The following C12orf42 variants were observed in gnomAD, a reference collection of about 807,000 sequenced individuals.
C12orf42 encodes chromosome 12 open reading frame 42.
Under a neutral mutation model 21.6 loss-of-function variants are expected in C12orf42, and 25 were observed. That is an observed-to-expected ratio of 1.16 (90% confidence interval 0.84 to 1.62). The LOEUF (loss-of-function observed/expected upper bound fraction) is 1.62, where lower values mean the gene tolerates loss of function less well. Among genes scored for constraint, C12orf42 ranks in the 40% most tolerant of loss-of-function variants. C12orf42 has a pLI of 0.00. For synonymous variants in C12orf42, 174 were observed against 175.0 expected (o/e 0.99, Z 0.05); for missense variants, 483 against 459.3 (o/e 1.05, Z -0.47).
intron 4 of C12orf42, among the ~76,000 whole-genome samples, chr12:103,294,495 A>C (rs1218678030): frequency 6.6e-6 from 1 of 150,850 alleles, no homozygotes; most frequent in East Asian, 1.9e-4. Flanking sequence ...GCAAGAAAGA[A>C]AGAAAGAAAG....
At chr12:103,518,042 C>A in the C12orf42 span, among the ~76,000 whole-genome samples, 1 of 152,070 alleles carries the variant, frequency 6.6e-6, no homozygotes, top group Non-Finnish European at 1.5e-5. Context: ...CTTAATGCCA[C>A]TGAAGGCCCA....
the C12orf42 span, among the ~76,000 whole-genome samples, chr12:103,539,943 T>C: frequency 6.6e-6 from 1 of 152,204 alleles, no homozygotes; most frequent in African/African-American, 2.4e-5. Flanking sequence ...CGTAATCTTC[T>C]GAGACAATTT....
downstream of C12orf42, among the ~76,000 whole-genome samples, chr12:103,300,772 G>A (rs76347383): frequency 0.038 from 5,809 of 152,224 alleles, 373 homozygotes; most frequent in African/African-American, 0.13. Flanking sequence ...ATGGCATGAA[G>A]TTGAATTTGT....
intron 4 of C12orf42, among the ~76,000 whole-genome samples, chr12:103,335,980 T>G (rs4764953): frequency 0.11 from 16,223 of 152,292 alleles, 996 homozygotes; most frequent in East Asian, 0.19. Context: ...GCTTCTGTTT[T>G]GCTCACAGTG....
chr12:103,251,643 TG>T (rs2034310217), intron 10 of C12orf42, among the ~76,000 whole-genome samples: 1 of 152,188 alleles, frequency 6.6e-6, no homozygotes, highest in South Asian at 2.1e-4. Flanking sequence ...CAACTAATTT[TG>T]AACATGGCCT....
chr12:103,412,346 C>T (rs148845882), intron 2 of C12orf42, among the ~76,000 whole-genome samples: 81 of 152,294 alleles, frequency 5.3e-4, no homozygotes, highest in African/African-American at 1.6e-3. Flanking sequence ...ACACATGTGA[C>T]GGTGTTCATC....
intron 4 of C12orf42, among the ~76,000 whole-genome samples, chr12:103,285,644 C>G (rs776784445): frequency 3.9e-5 from 6 of 152,188 alleles, no homozygotes; most frequent in Non-Finnish European, 8.8e-5. Context: ...TAACACATCA[C>G]TGGGAAGGTA....
chr12:103,074,296 C>T, the C12orf42 span, among the ~76,000 whole-genome samples: 5 of 152,056 alleles, frequency 3.3e-5, no homozygotes, highest in South Asian at 6.2e-4. Flanking sequence ...GCTTATTTTT[C>T]GGGCACCATA....
intron 3 of C12orf42, among the ~76,000 whole-genome samples, chr12:103,384,855 T>C (rs962020259): frequency 5.9e-5 from 9 of 151,378 alleles, no homozygotes; most frequent in Admixed American, 5.9e-4. Context: ...CTGGGAAGAG[T>C]TCAGACATAA....
the C12orf42 span, among the ~76,000 whole-genome samples, chr12:103,125,973 G>T: frequency 4.6e-5 from 7 of 152,298 alleles, no homozygotes; most frequent in African/African-American, 1.4e-4. Flanking sequence ...AGATCTTGGT[G>T]CAATGCCCTA....
the C12orf42 span, among the ~76,000 whole-genome samples, chr12:103,147,584 G>T: frequency 9.6e-6 from 1 of 104,466 alleles, no homozygotes; most frequent in African/African-American, 3.7e-5. Flanking sequence ...TCTCAGAATT[G>T]AATGTGACCC....
the C12orf42 span, among the ~76,000 whole-genome samples, chr12:103,202,058 G>A: frequency 6.6e-6 from 1 of 152,136 alleles, no homozygotes; most frequent in Non-Finnish European, 1.5e-5. Context: ...CTCTACCAGG[G>A]CCAGCAACCA....
chr12:103,205,895 C>T, the C12orf42 span, among the ~76,000 whole-genome samples: 8 of 152,010 alleles, frequency 5.3e-5, no homozygotes, highest in Non-Finnish European at 1.0e-4. Flanking sequence ...CATATGTAAG[C>T]GTTCAAATTA....
chr12:103,500,350 T>C (rs1005162253), upstream of C12orf42, among the ~76,000 whole-genome samples: 4 of 152,214 alleles, frequency 2.6e-5, no homozygotes, highest in Non-Finnish European at 5.9e-5. Flanking sequence ...CCCTACACTT[T>C]CTCAAATGTA....
intron 10 of C12orf42, among the ~76,000 whole-genome samples, chr12:103,245,554 G>C (rs1279474512): frequency 6.6e-6 from 1 of 151,948 alleles, no homozygotes; most frequent in East Asian, 1.9e-4. Flanking sequence ...AAAATGCCTT[G>C]TTAGATGCCA....
chr12:103,377,794 T>C (rs2045835622), intron 3 of C12orf42, among the ~76,000 whole-genome samples: 1 of 152,178 alleles, frequency 6.6e-6, no homozygotes, highest in South Asian at 2.1e-4. Flanking sequence ...GGGGGTAGCA[T>C]GAATTGACTC....
chr12:103,218,017 C>T, the C12orf42 span, among the ~76,000 whole-genome samples: 1 of 152,176 alleles, frequency 6.6e-6, no homozygotes. Context: ...CACGGTGGCT[C>T]ACGCCTGTAA....
intron 4 of C12orf42, among the ~76,000 whole-genome samples, chr12:103,321,606 G>C (rs2040134657): frequency 7.0e-6 from 1 of 142,426 alleles, no homozygotes; most frequent in African/African-American, 2.6e-5. Context: ...CAAAGACTTG[G>C]AACCAACCCA....
chr12:103,268,637 T>C (rs1274371651), exon 7 of C12orf42: 1 of 152,094 alleles, frequency 6.6e-6, no homozygotes, highest in Non-Finnish European at 1.5e-5. Context: ...TTGGTATTGA[T>C]TTTTCCCCGA....
Sources: gnomAD v4.1 joint callset for allele counts (sites outside exome capture counted in the v4.1 genomes callset) on GRCh38, gnomAD v4.1.1 for gene constraint, MANE v1.5 for transcripts, NCBI Gene and HGNC (gene_info 2026-07-23, HGNC 2026-07-21) for gene names.